MCOLN2: variants seen among roughly 807,000 people sequenced by gnomAD.
MCOLN2 encodes the protein mucolipin TRP cation channel 2.
A neutral mutation model predicts 67.5 loss-of-function variants in MCOLN2; 57 were observed. The ratio of observed to expected loss-of-function variants is 0.84; its 90% CI spans 0.68 to 1.05. The LOEUF is 1.05. Ranked by LOEUF, MCOLN2 falls within the 50% of genes least tolerant of loss-of-function variation. MCOLN2 has a pLI of 0.00. For missense variants in MCOLN2, 620 were observed against 678.8 expected, an observed-to-expected ratio of 0.91 and a Z score of 0.96; for synonymous variants, 246 against 233.3, an observed-to-expected ratio of 1.05 and a Z score of -0.50.
chr1:84,937,673 C>A, intron 11 of MCOLN2, 82 bp downstream of exon 11: 1 of 1,569,832 alleles, frequency 6.4e-7, no homozygotes, highest in Non-Finnish European at 8.6e-7. Flanking sequence ...TAGAGAAGAC[C>A]AGGAAGCAAG....
At chr1:84,992,994 T>G (rs1650966507) in intron 1 of MCOLN2, among the ~76,000 whole-genome samples, 1 of 152,256 alleles carries the variant, frequency 6.6e-6, no homozygotes, top group Admixed American at 6.5e-5. Context: ...CTCTGTTGCA[T>G]GCAACGCTGT....
chr1:84,983,324 C>T (rs1650352006), intron 1 of MCOLN2, among the ~76,000 whole-genome samples: 1 of 152,164 alleles, frequency 6.6e-6, no homozygotes, highest in African/African-American at 2.4e-5. Flanking sequence ...GGTGGGATTG[C>T]AGTGATGCAA....
intron 1 of MCOLN2, among the ~76,000 whole-genome samples, chr1:84,988,057 T>C (rs142274049): frequency 1.3e-5 from 2 of 152,144 alleles, no homozygotes; most frequent in African/African-American, 4.8e-5. Context: ...CCCTAAAAAC[T>C]ACTGAAATAA....
At position 84,956,558 on chromosome 1, in the gene MCOLN2, C is replaced by A; in HGVS notation, c.438G>T (p.Leu146=). 1 of 1,607,864 alleles carries A rather than the reference C, an allele frequency of 6.2e-7. No individual in the cohort carries two copies. Among genetic ancestry groups the A allele is most frequent in the East Asian group, 2.2e-5 (1 of 44,712 alleles). Residue 146 remains leucine (L), a synonymous_variant, in exon 4 of 14, where the codon CTG becomes CTT. Transcript: ENST00000370608. ...CATTTTCTCCATAACCAAGGGTCCC[C>A]AGGGTAATGTCCTTTAGCTGATGAT... ...NQYHQLKDIT[L]GTLGYGENED... is the part of the protein sequence containing the mutation.
At chr1:84,976,111 A>G (rs1649983490) in intron 1 of MCOLN2, among the ~76,000 whole-genome samples, 1 of 152,196 alleles carries the variant, frequency 6.6e-6, no homozygotes, top group Admixed American at 6.5e-5. Flanking sequence ...ACAGGAGTAG[A>G]AAGTTATTCA....
intron 6 of MCOLN2, among the ~76,000 whole-genome samples, chr1:84,947,645 G>C: frequency 6.6e-6 from 1 of 152,238 alleles, no homozygotes; most frequent in East Asian, 1.9e-4. Context: ...AGTTTGGAGA[G>C]GTGCCGGGAG....
chr1:84,950,706 T>C (rs1169184238), intron 6 of MCOLN2, among the ~76,000 whole-genome samples: 1 of 152,168 alleles, frequency 6.6e-6, no homozygotes, highest in Non-Finnish European at 1.5e-5. Context: ...GAGCCGGATA[T>C]GTAGGTGATC....
chr1:84,937,168 T>C (rs1156965958), intron 11 of MCOLN2, among the ~76,000 whole-genome samples: 1 of 152,210 alleles, frequency 6.6e-6, no homozygotes, highest in Non-Finnish European at 1.5e-5. Flanking sequence ...AACAAGAACA[T>C]CTTAGCACAA....
At chr1:84,961,612 G>A (rs1460422902) in intron 2 of MCOLN2, among the ~76,000 whole-genome samples, 1 of 152,142 alleles carries the variant, frequency 6.6e-6, no homozygotes, top group African/African-American at 2.4e-5. Context: ...TGTTATGACA[G>A]AACCAAACAC....
rs1228434253 is a variant in MCOLN2 at position 84,940,859 on chromosome 1, G to C, written c.960+20C>G. On this transcript the variant is annotated intron_variant, in intron 8 of 13. Coordinates refer to ENST00000370608, the MANE Select transcript of MCOLN2 (RefSeq NM_153259.4). Reference sequence around the variant, plus strand: ...GGCGCAGGCCAAGAGGGCAGGAAGAGAATGCGAACACACTCTTACCTTCCG... The same window carrying C: ...GGCGCAGGCCAAGAGGGCAGGAAGACAATGCGAACACACTCTTACCTTCCG... The C allele has an allele frequency of 6.4e-7, 1 of 1,553,836 alleles. No homozygotes were observed. The highest frequency in any genetic ancestry group is 1.4e-5 in the African/African-American group (1 of 73,458).
chr1:84,930,177 C>T (rs1307235887), intron 12 of MCOLN2, among the ~76,000 whole-genome samples: 1 of 151,578 alleles, frequency 6.6e-6, no homozygotes, highest in Non-Finnish European at 1.5e-5. Flanking sequence ...GCAGGAGGAT[C>T]GACTGAGCCC....
chr1:84,934,875 TTCCATTGAGCCCCTGAAATCAGATG>T (rs1270050415), intron 11 of MCOLN2, among the ~76,000 whole-genome samples: 1 of 152,182 alleles, frequency 6.6e-6, no homozygotes. Flanking sequence ...TTGACTCCCT[TTCCATTGAGCCCCTGAAATCAGATG>T]CCTAACAGGA....
intron 1 of MCOLN2, among the ~76,000 whole-genome samples, chr1:84,969,390 G>A (rs1649549823): frequency 6.6e-6 from 1 of 152,072 alleles, no homozygotes; most frequent in African/African-American, 2.4e-5. Context: ...GACCAACACA[G>A]TGAAACCCCA....
chr1:84,938,105 G>T, intron 9 of MCOLN2, 23 bp from the exon 10 acceptor site: 1 of 1,532,956 alleles, frequency 6.5e-7, no homozygotes, highest in South Asian at 1.1e-5. Flanking sequence ...AAAAAAGAAA[G>T]AGAGAAATGA....
At position 84,939,674 on chromosome 1, in the gene MCOLN2, T is replaced by G. The variant is rs201259012; in HGVS notation, c.989A>C (p.Tyr330Ser). 5.0e-6 allele frequency: 8 copies of G among 1,614,102 alleles called. No homozygotes were observed. The Admixed American group carries it at 1.0e-4, about 20-fold the overall frequency. Residue 330 changes from tyrosine (Y) to serine (S), a missense_variant, in exon 9 of 14, where the codon TAC becomes TCC. Transcript: ENST00000370608. The part of the protein sequence containing the change: ...KRFLNFFLEK[Y>S]KRPVCDTDQW... ...GTCGGTGTCACACACAGGCCGCTTG[T>G]ACTTCTCCAGGAAGAAATTTAGAAA...
intron 1 of MCOLN2, among the ~76,000 whole-genome samples, chr1:84,995,795 C>A (rs1322276585): frequency 1.6e-5 from 2 of 129,014 alleles, no homozygotes; most frequent in Non-Finnish European, 3.5e-5. Context: ...ATATCTATTA[C>A]TCTATTTTTT....
intron 7 of MCOLN2, among the ~76,000 whole-genome samples, chr1:84,943,114 C>A (rs1389276223): frequency 6.6e-6 from 1 of 152,040 alleles, no homozygotes; most frequent in East Asian, 1.9e-4. Context: ...TGAAGAGAAT[C>A]AAGCAGAACA....
chr1:84,972,937 G>A (rs553782845), intron 1 of MCOLN2, among the ~76,000 whole-genome samples: 1 of 152,150 alleles, frequency 6.6e-6, no homozygotes, highest in Non-Finnish European at 1.5e-5. Context: ...GGATGCTATT[G>A]CCTTTGGCTT....
chr1:84,953,448 G>C (rs564486250), intron 4 of MCOLN2, among the ~76,000 whole-genome samples: 29 of 151,966 alleles, frequency 1.9e-4, no homozygotes, highest in African/African-American at 6.5e-4. Context: ...TACTCAGGAA[G>C]CTGAGGCAGG....
Sources: allele counts gnomAD v4.1 joint callset (sites outside exome capture counted in the v4.1 genomes callset), GRCh38; gene constraint gnomAD v4.1.1; transcripts MANE v1.5; gene names NCBI Gene and HGNC (gene_info 2026-07-23, HGNC 2026-07-21).